The following KHDRBS2 variants were observed in gnomAD, a reference collection of about 807,000 sequenced individuals.
KHDRBS2 encodes KH domain-containing, RNA-binding, signal transduction-associated protein 2.
In KHDRBS2, 26 loss-of-function variants were observed where a neutral mutation model predicts 44.3. The ratio of observed to expected loss-of-function variants is 0.59; its 90% CI spans 0.43 to 0.81. The LOEUF is 0.81. Among genes scored for constraint, KHDRBS2 ranks in the 40% least tolerant of loss-of-function variants. The pLI, the probability that KHDRBS2 is intolerant of heterozygous loss-of-function variation, is 0.00. For synonymous variants in KHDRBS2, 194 were observed against 151.1 expected (o/e 1.28, Z -2.08); for missense variants, 476 against 433.1 (o/e 1.10, Z -0.88).
At chr6:62,248,929 A>G (rs1232431511) in intron 1 of KHDRBS2, among the ~76,000 whole-genome samples, 1 of 152,148 alleles carries the variant, frequency 6.6e-6, no homozygotes, top group Non-Finnish European at 1.5e-5. Flanking sequence ...AACCTGGGAT[A>G]GAGAGAGAAG....
chr6:61,698,735 C>A (rs183994602), intron 7 of KHDRBS2, among the ~76,000 whole-genome samples: 2 of 152,124 alleles, frequency 1.3e-5, no homozygotes, highest in African/African-American at 2.4e-5. Flanking sequence ...GCTCACTCAC[C>A]CTACTCAGGG....
intron 6 of KHDRBS2, among the ~76,000 whole-genome samples, chr6:61,765,654 A>G (rs868700539): frequency 2.0e-5 from 3 of 152,046 alleles, no homozygotes; most frequent in Non-Finnish European, 4.4e-5. Flanking sequence ...ATGTTGAGGT[A>G]TGTTCCTTCT....
At chr6:61,964,390 C>T (rs888476915) in intron 4 of KHDRBS2, among the ~76,000 whole-genome samples, 2 of 151,940 alleles carry the variant, frequency 1.3e-5, no homozygotes, top group Admixed American at 1.3e-4. Context: ...AAAGTATAAT[C>T]CAGCTTTGAT....
At chr6:61,848,579 A>ATATATATATATG (rs1794977240) in intron 6 of KHDRBS2, among the ~76,000 whole-genome samples, 1 of 105,090 alleles carries the variant, frequency 9.5e-6, no homozygotes. Context: ...ATATATACAT[A>ATATATATATATG]TATATATATA....
intron 5 of KHDRBS2, among the ~76,000 whole-genome samples, chr6:61,898,354 C>T (rs569216839): frequency 1.7e-4 from 26 of 151,604 alleles, no homozygotes; most frequent in East Asian, 3.9e-4. Context: ...ACTAAATATC[C>T]GATACAGTTG....
intron 6 of KHDRBS2, among the ~76,000 whole-genome samples, chr6:61,805,223 G>A (rs1786957526): frequency 6.6e-6 from 1 of 152,024 alleles, no homozygotes; most frequent in Admixed American, 6.6e-5. Context: ...AGATCATTAG[G>A]GCAGGGACAA....
At chr6:61,958,131 C>A (rs563756065) in intron 4 of KHDRBS2, among the ~76,000 whole-genome samples, 1 of 152,244 alleles carries the variant, frequency 6.6e-6, no homozygotes, top group African/African-American at 2.4e-5. Flanking sequence ...GACATCAAAA[C>A]CATTTCCCTC....
At chr6:61,614,888 T>A in the KHDRBS2 span, among the ~76,000 whole-genome samples, 1 of 152,022 alleles carries the variant, frequency 6.6e-6, no homozygotes, top group Non-Finnish European at 1.5e-5. Context: ...GATCTTCAAA[T>A]AGGAATAAAA....
At chr6:61,672,328 C>A in the KHDRBS2 span, among the ~76,000 whole-genome samples, 4 of 152,064 alleles carry the variant, frequency 2.6e-5, no homozygotes, top group East Asian at 7.8e-4. Context: ...GTCTTTATAG[C>A]AGCATGATTT....
chr6:61,621,471 C>T, the KHDRBS2 span, among the ~76,000 whole-genome samples: 4 of 152,152 alleles, frequency 2.6e-5, no homozygotes, highest in African/African-American at 9.7e-5. Context: ...AAAGAGCTGA[C>T]ACAGCTGAGT....
Position 61,737,510 on chromosome 6 carries a change from C to T in KHDRBS2, c.811-4746G>A, listed in dbSNP as rs1203354182. ...CGTCACAAAATGAAAAGCATAACAA[C>T]GTTTAAGATGTCAACACTGCATCCT... On this transcript the variant is annotated intron_variant, in intron 6 of 8. Transcript: ENST00000281156. 3.3e-5 allele frequency among the ~76,000 whole-genome samples: 5 copies of T among 152,104 alleles called. 1 individual carries two copies. The South Asian group carries it at 6.2e-4, about 19-fold the overall frequency.
intron 6 of KHDRBS2, among the ~76,000 whole-genome samples, chr6:61,824,958 A>T (rs925846723): frequency 6.6e-6 from 1 of 152,194 alleles, no homozygotes; most frequent in Non-Finnish European, 1.5e-5. Flanking sequence ...AATATTCACC[A>T]GTATTAAAAC....
the KHDRBS2 span, among the ~76,000 whole-genome samples, chr6:61,600,483 C>T: frequency 6.6e-6 from 1 of 152,122 alleles, no homozygotes; most frequent in Non-Finnish European, 1.5e-5. Flanking sequence ...TGTAATTTTC[C>T]ACTACCCACC....
intron 4 of KHDRBS2, among the ~76,000 whole-genome samples, chr6:61,945,090 TA>T (rs1175643834): frequency 0.033 from 865 of 26,250 alleles, 34 homozygotes; most frequent in African/African-American, 0.082. Context: ...GACTCTGTCT[TA>T]AAAAAAAAAA....
At chr6:61,676,827 C>T (rs75360630), downstream of KHDRBS2, among the ~76,000 whole-genome samples, 412 of 151,890 alleles carry the variant, frequency 2.7e-3, no homozygotes, top group East Asian at 0.015. Context: ...ATATTAAAGG[C>T]CATGCTAATA....
At chr6:61,880,941 G>C (rs1800119277) in intron 6 of KHDRBS2, among the ~76,000 whole-genome samples, 1 of 151,830 alleles carries the variant, frequency 6.6e-6, no homozygotes. Context: ...ACAAACATTT[G>C]CTTCCTTAGG....
At chr6:62,170,179 G>C (rs1222276437) in intron 2 of KHDRBS2, among the ~76,000 whole-genome samples, 1 of 151,992 alleles carries the variant, frequency 6.6e-6, no homozygotes, top group Admixed American at 6.6e-5. Context: ...ACAGCACCTA[G>C]CTGAGTGGGA....
the KHDRBS2 span, among the ~76,000 whole-genome samples, chr6:61,641,201 C>T: frequency 6.6e-6 from 1 of 152,154 alleles, no homozygotes; most frequent in South Asian, 2.1e-4. Context: ...CCAATATTTT[C>T]TCTCTGCAAC....
the KHDRBS2 span, among the ~76,000 whole-genome samples, chr6:61,580,581 G>C: frequency 1.3e-5 from 2 of 152,092 alleles, no homozygotes; most frequent in African/African-American, 2.4e-5. Context: ...TAATACTCAG[G>C]GTGAGAGTCT....
Sources: allele counts gnomAD v4.1 joint callset (sites outside exome capture counted in the v4.1 genomes callset), GRCh38; gene constraint gnomAD v4.1.1; transcripts MANE v1.5; gene names NCBI Gene and HGNC (gene_info 2026-07-23, HGNC 2026-07-21).